Variants in TET3 observed in about 807,000 individuals in gnomAD.
The protein encoded by TET3 is tet methylcytosine dioxygenase 3, also known as methylcytosine dioxygenase TET3.
A neutral mutation model predicts 141.4 loss-of-function variants in TET3; 19 were observed. The observed-to-expected ratio is 0.13, with a 90% CI of 0.09 to 0.20. TET3 has a LOEUF of 0.20. Ranked by LOEUF, TET3 falls within the 10% of genes least tolerant of loss-of-function variation. TET3 has a pLI of 1.00. For missense variants in TET3, 1,874 were observed against 2,356.9 expected, an observed-to-expected ratio of 0.80 and a Z score of 4.24; for synonymous variants, 1,043 against 980.9, an observed-to-expected ratio of 1.06 and a Z score of -1.18.
At chr2:74,002,996 A>G (rs976446371) in intron 2 of TET3, 114 bp from the exon 3 acceptor site, 2 of 1,118,452 alleles carry the variant, frequency 1.8e-6, no homozygotes, top group African/African-American at 1.5e-5. Flanking sequence ...CCCAGGCTGT[A>G]TCCCCTCCCG....
chr2:74,034,310 A>G (rs753894900), intron 3 of TET3, among the ~76,000 whole-genome samples: 1 of 151,800 alleles, frequency 6.6e-6, no homozygotes, highest in Non-Finnish European at 1.5e-5. Flanking sequence ...TGTTAAACAG[A>G]TAAAGCATAA....
chr2:74,015,907 A>G (rs12988533), intron 3 of TET3, among the ~76,000 whole-genome samples: 56,309 of 151,938 alleles, frequency 0.37, 12,573 homozygotes, highest in African/African-American at 0.62. Flanking sequence ...TATTAGTAAA[A>G]TTGAGAATGT....
rs1691368110 is a variant in TET3, at chr2:74,103,945, T to G, written c.*1769T>G. ...ATGTTTAACAATCAGATGACCGCTA[T>G]AGGCAAGTTCCTGAGCTTCCGGGTG... On this transcript the variant is annotated 3_prime_UTR_variant, in exon 12 of 12. Coordinates refer to ENST00000409262, the MANE Select transcript of TET3 (RefSeq NM_001287491.2). The G allele has an allele frequency of 1.3e-5, 2 of 153,738 alleles. No homozygotes were observed. The highest frequency in any genetic ancestry group is 2.4e-5 in the African/African-American group (1 of 41,420). 9.5% of individuals were successfully genotyped at this position (153,738 alleles called of 1,614,324 possible).
Position 74,047,288 on chromosome 2 carries a change from C to G in TET3, c.1371C>G (p.Pro457=), listed in dbSNP as rs61742889. 3.1e-6 allele frequency: 5 copies of G among 1,614,028 alleles called. No homozygotes were observed. Among genetic ancestry groups the G allele is most frequent in the Non-Finnish European group, 4.2e-6 (5 of 1,179,904 alleles). The change falls in exon 4 of 12, where the codon CCC becomes CCG. Residue 457 remains proline, a synonymous_variant. Transcript: ENST00000409262. ...CCTGGCCCATGCCTCGCCCAAGCCC[C>G]GATCCCATGGCTGAACTGGAGCAGT... The part of the protein sequence containing the change: ...RSSWPMPRPS[P]DPMAELEQLL...
chr2:74,041,349 C>A (rs926626095), intron 3 of TET3, among the ~76,000 whole-genome samples: 1 of 152,120 alleles, frequency 6.6e-6, no homozygotes, highest in Admixed American at 6.6e-5. Context: ...GGAGCTGTTC[C>A]TCTTGTGGTT....
intron 10 of TET3, among the ~76,000 whole-genome samples, chr2:74,096,768 CAAAA>C (rs11363244): frequency 0.012 from 1,755 of 141,136 alleles, 40 homozygotes; most frequent in African/African-American, 0.044. Flanking sequence ...AACTCTGTCT[CAAAA>C]AAAAAAAAGA....
intron 3 of TET3, among the ~76,000 whole-genome samples, chr2:74,018,019 G>GTGCA (rs1685827931): frequency 7.3e-6 from 1 of 136,668 alleles, no homozygotes; most frequent in South Asian, 2.2e-4. Context: ...CCAGGCTGCA[G>GTGCA]TGCAGTAGCA....
Position 74,046,946 on chromosome 2 carries a change from C to A in TET3, c.1029C>A (p.Ala343=). The A allele has an allele frequency of 6.2e-7, 1 of 1,613,996 alleles. No individual in the cohort carries two copies. Among genetic ancestry groups the A allele is most frequent in the African/African-American group, 1.3e-5 (1 of 75,046 alleles). The change falls in exon 4 of 12, where the codon GCC becomes GCA. Residue 343 remains alanine, a synonymous_variant. Coordinates refer to ENST00000409262, the MANE Select transcript of TET3 (RefSeq NM_001287491.2). This position sits in a 1 kb window ranked among gnomAD's most constrained non-coding sequence, Gnocchi z 4.3. The part of the protein sequence containing the change: ...PQEGLPLSQS[A]LSIAKEKNIS... Reference sequence around the variant, plus strand: ...AGGGCCTGCCCCTGTCCCAGAGTGCCCTGAGCATTGCCAAGGAAAAAAACA... The same window carrying A: ...AGGGCCTGCCCCTGTCCCAGAGTGCACTGAGCATTGCCAAGGAAAAAAACA...
Position 74,047,048 on chromosome 2 carries a change from C to T in TET3, c.1131C>T (p.Thr377=), listed in dbSNP as rs371143424. The T allele has an allele frequency of 6.2e-6, 10 of 1,613,872 alleles. No homozygotes were observed. The highest frequency in any genetic ancestry group is 3.3e-4 in the Middle Eastern group (2 of 6,084). ...CCCTCCCGCAGCCTTCTCATTCCACCCCCCAGGCTTCTTGCCCCCTTCCTG... is the reference window on the plus strand; with the variant it reads ...CCCTCCCGCAGCCTTCTCATTCCACTCCCCAGGCTTCTTGCCCCCTTCCTG... The part of the protein sequence containing the change: ...SSALPQPSHS[T]PQASCPLPEA... Residue 377 remains threonine, a synonymous_variant, in exon 4 of 12, where the codon ACC becomes ACT. Transcript: ENST00000409262.
rs1297717028 is a variant in TET3 at position 74,047,398 on chromosome 2, C to A, written c.1481C>A (p.Ala494Glu). 1 of 1,613,450 alleles carries A rather than the reference C, an allele frequency of 6.2e-7. No homozygotes were observed. Among genetic ancestry groups the A allele is most frequent in the Non-Finnish European group, 8.5e-7 (1 of 1,179,846 alleles). ...ACCAAGCCCAAGGTCAAGGTGGAGG[C>A]ACCCTCTTCCTCCCCGGCCCCGGCC... ...LPTKPKVKVE[A>E]PSSSPAPAPS... is the part of the protein sequence containing the mutation. The change falls in exon 4 of 12, where the codon GCA (alanine) becomes GAA (glutamate). Residue 494 changes from alanine (A) to glutamate (E), a missense_variant. Transcript: ENST00000409262.
chr2:73,994,868 C>G (rs1363201790), intron 2 of TET3, among the ~76,000 whole-genome samples: 1 of 151,990 alleles, frequency 6.6e-6, no homozygotes, highest in Non-Finnish European at 1.5e-5. Flanking sequence ...AACTCCTGAC[C>G]TCAGGTGATC....
chr2:74,066,241 A>G (rs1010682968), intron 4 of TET3, among the ~76,000 whole-genome samples: 4 of 152,158 alleles, frequency 2.6e-5, no homozygotes, highest in Admixed American at 6.5e-5. Context: ...TTATATTTGT[A>G]TCTCCTTTAT....
At chr2:74,100,038 G>A (rs1051876341) in intron 11 of TET3, among the ~76,000 whole-genome samples, 1 of 152,222 alleles carries the variant, frequency 6.6e-6, no homozygotes, top group African/African-American at 2.4e-5. Context: ...GGTCCCTGCA[G>A]TGATCCCGAC....
At chr2:74,065,616 G>GTCCT (rs1250453851) in intron 4 of TET3, among the ~76,000 whole-genome samples, 25 of 135,854 alleles carry the variant, frequency 1.8e-4, no homozygotes, top group African/African-American at 5.2e-4. Flanking sequence ...CCGTCCGTCC[G>GTCCT]TCCGTCCTTC....
At chr2:74,082,542 G>A (rs1178702163) in intron 6 of TET3, among the ~76,000 whole-genome samples, 1 of 152,030 alleles carries the variant, frequency 6.6e-6, no homozygotes, top group African/African-American at 2.4e-5. Context: ...CATGTCTTAT[G>A]AGTGAAGAGA....
intron 3 of TET3, among the ~76,000 whole-genome samples, chr2:74,028,087 G>T (rs1015912441): frequency 6.6e-6 from 1 of 151,866 alleles, no homozygotes; most frequent in Non-Finnish European, 1.5e-5. Context: ...GGGCTCAGGG[G>T]ATCCTCCTGC....
At chr2:74,124,419 C>A in the TET3 span, among the ~76,000 whole-genome samples, 1 of 152,042 alleles carries the variant, frequency 6.6e-6, no homozygotes, top group African/African-American at 2.4e-5. Context: ...CCAGCCGCCA[C>A]CCCGTCTGGG....
intron 3 of TET3, among the ~76,000 whole-genome samples, chr2:74,017,878 T>TC (rs751968160): frequency 2.0e-5 from 3 of 152,146 alleles, no homozygotes; most frequent in Non-Finnish European, 4.4e-5. Context: ...AGTTCCCCTT[T>TC]CTCCGCATCC....
chr2:74,093,694 C>A lies in TET3; in HGVS notation c.3267+28C>A. The A allele has an allele frequency of 6.5e-7, 1 of 1,541,798 alleles. No individual in the cohort carries two copies. The highest frequency in any genetic ancestry group is 8.8e-7 in the Non-Finnish European group (1 of 1,136,692). ...AAGCCTGTGCCCTGTCATAGCCCCACCTGTGGGGCAACTGTGGGAGGGAGT... is the reference window on the plus strand; with the variant it reads ...AAGCCTGTGCCCTGTCATAGCCCCAACTGTGGGGCAACTGTGGGAGGGAGT... On this transcript the variant is annotated intron_variant, in intron 10 of 11. Transcript: ENST00000409262. This position sits in a 1 kb window ranked among gnomAD's most constrained non-coding sequence, Gnocchi z 4.2.
Sources: gnomAD v4.1 joint callset for allele counts (sites outside exome capture counted in the v4.1 genomes callset) on GRCh38, gnomAD v4.1.1 for gene constraint, Gnocchi (gnomAD v3.1) non-coding constraint, MANE v1.5 for transcripts, NCBI Gene and HGNC (gene_info 2026-07-23, HGNC 2026-07-21) for gene names.